Variants in CLPP observed in about 807,000 individuals in gnomAD.
CLPP encodes ATP-dependent Clp protease proteolytic subunit, mitochondrial.
In CLPP, 14 loss-of-function variants were observed where a neutral mutation model predicts 27.4. That is an observed-to-expected ratio of 0.51 (90% CI 0.34 to 0.80). The LOEUF (loss-of-function observed/expected upper bound fraction) is 0.80, where lower values mean the gene tolerates loss of function less well. CLPP is among the 30% of genes least tolerant of loss of function. The pLI, the probability that CLPP is intolerant of heterozygous loss-of-function variation, is 0.02. For missense variants in CLPP, 361 were observed against 403.6 expected, an observed-to-expected ratio of 0.89 and a Z score of 0.90; for synonymous variants, 193 against 166.6, an observed-to-expected ratio of 1.16 and a Z score of -1.22.
At chr19:6,361,841 C>G (rs77532225) in intron 1 of CLPP, 28 bp from the exon 2 acceptor site, 2 of 1,569,294 alleles carry the variant, frequency 1.3e-6, no homozygotes, top group Non-Finnish European at 1.7e-6. Context: ...GCTGCCCCGG[C>G]CCCTCACCTC....
intron 5 of CLPP, among the ~76,000 whole-genome samples, chr19:6,367,546 G>T (rs1348199351): frequency 2.6e-5 from 4 of 151,926 alleles, no homozygotes; most frequent in Non-Finnish European, 5.9e-5. Flanking sequence ...TATGGGGAGG[G>T]GGTGGCAAGG....
At position 6,362,494 on chromosome 19, in the gene CLPP, C is replaced by G; in HGVS notation, c.319C>G (p.Gln107Glu). The change falls in exon 3 of 6, where the codon CAA becomes GAA. Residue 107 changes from glutamine to glutamate, a missense_variant. This residue lies in a region of CLPP where 213 missense variants were observed against 280.9 expected (regional missense o/e 0.76). Transcript: ENST00000245816. ...TGTTATCGCACAGCTCCTCTTCCTGCAATCCGAGAGCAACAAGAAGCCCAT... is the reference window on the plus strand; with the variant it reads ...TGTTATCGCACAGCTCCTCTTCCTGGAATCCGAGAGCAACAAGAAGCCCAT... Reference protein sequence around the residue: ...SLVIAQLLFLQSESNKKPIHM... With the variant: ...SLVIAQLLFLESESNKKPIHM... 1.2e-6 allele frequency: 2 copies of G among 1,614,074 alleles called. No individual in the cohort carries two copies. Among genetic ancestry groups the G allele is most frequent in the Non-Finnish European group, 1.7e-6 (2 of 1,179,962 alleles).
chr19:6,362,302 C>A (rs763795371), intron 2 of CLPP, 144 bp from the exon 3 acceptor site: 1 of 648,352 alleles, frequency 1.5e-6, no homozygotes, highest in Non-Finnish European at 2.8e-6. Flanking sequence ...CTCTCCCCAT[C>A]CCCTTCTGGG....
intron 3 of CLPP, among the ~76,000 whole-genome samples, chr19:6,364,108 G>A (rs1170350425): frequency 6.9e-6 from 1 of 145,116 alleles, no homozygotes; most frequent in Non-Finnish European, 1.5e-5. Flanking sequence ...TCGGCTCACT[G>A]CAACCTCCGC....
chr19:6,368,612 G>A lies in CLPP; in HGVS notation c.736G>A (p.Val246Ile), dbSNP rs1273503146. Residue 246 changes from valine to isoleucine, a missense_variant, in exon 6 of 6, where the codon GTC (valine) becomes ATC (isoleucine). This residue lies in a region of CLPP where 213 missense variants were observed against 280.9 expected (regional missense o/e 0.76). Transcript: ENST00000245816. ...QEFGILDKVL[V>I]HPPQDGEDEP... ...GTTTGGCATCTTAGACAAGGTTCTG[G>A]TCCACCCTCCCCAGGACGGTGAGGA... 1 of 1,613,364 alleles carries A rather than the reference G, an allele frequency of 6.2e-7. No homozygotes were observed. The highest frequency in any genetic ancestry group is 8.5e-7 in the Non-Finnish European group (1 of 1,179,806).
chr19:6,364,140 G>C (rs965004260), intron 3 of CLPP, among the ~76,000 whole-genome samples: 11 of 148,156 alleles, frequency 7.4e-5, no homozygotes, highest in African/African-American at 2.0e-4. Context: ...ACGCCATTCT[G>C]CTGCCTCAGC....
chr19:6,367,324 G>A (rs1599197019), intron 5 of CLPP, among the ~76,000 whole-genome samples: 1 of 145,702 alleles, frequency 6.9e-6, no homozygotes, highest in African/African-American at 2.6e-5. Flanking sequence ...GTAGTGAGTC[G>A]AGATTGCACC....
Position 6,361,875 on chromosome 19 carries a change from G to A in CLPP, c.205G>A (p.Gly69Ser). 1 of 1,597,926 alleles carries A rather than the reference G, an allele frequency of 6.3e-7. No individual in the cohort carries two copies. Among genetic ancestry groups the A allele is most frequent in the Non-Finnish European group, 8.5e-7 (1 of 1,179,252 alleles). ...TCCATCTTTCTACCCCCAGGGTCGC[G>A]GCGAGCGCGCCTATGACATCTACTC... is the stretch of plus-strand genomic sequence containing the variant. Reference protein sequence around the residue: ...IPIVVEQTGRGERAYDIYSRL... With the variant: ...IPIVVEQTGRSERAYDIYSRL... The change falls in exon 2 of 6, where the codon GGC becomes AGC. Residue 69 changes from glycine (G) to serine (S), a missense_variant. This residue lies in a region of CLPP where 148 missense variants were observed against 122.6 expected (regional missense o/e 1.21). Coordinates refer to ENST00000245816, the MANE Select transcript of CLPP (RefSeq NM_006012.4).
rs1010046491 is a variant in CLPP, at chr19:6,369,018, A to G, written c.*308A>G. 3 of 354,010 alleles carry G rather than the reference A, an allele frequency of 8.5e-6. No individual in the cohort carries two copies. The highest frequency in any genetic ancestry group is 5.9e-5 in the East Asian group (1 of 17,060). The allele number at this position is 354,010 out of a possible 1,614,324, so 21.9% of individuals were successfully genotyped here. A position where few individuals can be genotyped will look rare whatever the true frequency, so the allele number is the denominator to read the frequency against. On this transcript the variant is annotated 3_prime_UTR_variant, in exon 6 of 6. Coordinates refer to ENST00000245816, the MANE Select transcript of CLPP (RefSeq NM_006012.4). ...AAGAGGCAAGCCATGTCTTCCTTCA[A>G]CAGATTCTCCTGATCATATCCTATA... is the stretch of plus-strand genomic sequence containing the variant.
chr19:6,361,968 C>T lies in CLPP; in HGVS notation c.270+28C>T, dbSNP rs778893687. 4.4e-6 allele frequency: 7 copies of T among 1,590,274 alleles called. No individual in the cohort carries two copies. In the East Asian group the frequency reaches 1.6e-4, roughly 36 times the overall value. ...GAGCGCCCCGCGCCGGGACCCTCCC[C>T]AGGACTCTCCCAAGCGCCTGCCGAC... On this transcript the variant is annotated intron_variant, in intron 2 of 5. Transcript: ENST00000245816.
intron 5 of CLPP, 120 bp downstream of exon 5, chr19:6,366,483 GGGGGA>G: frequency 8.9e-6 from 6 of 673,176 alleles, no homozygotes; most frequent in South Asian, 1.8e-5. Flanking sequence ...CTCTGGGATG[GGGGGA>G]CCATCCCAGA....
At chr19:6,364,221 G>T (rs1025478720) in intron 3 of CLPP, among the ~76,000 whole-genome samples, 3 of 151,908 alleles carry the variant, frequency 2.0e-5, no homozygotes, top group Middle Eastern at 3.2e-3. Context: ...TAGTAGAGAC[G>T]GGGTTTCACT....
At position 6,364,654 on chromosome 19, in the gene CLPP, C is replaced by T. The variant is rs371120549; in HGVS notation, c.555+15C>T. 4.3e-4 allele frequency: 695 copies of T among 1,601,626 alleles called. No individual in the cohort carries two copies. Among genetic ancestry groups the T allele is most frequent in the Non-Finnish European group, 5.5e-4 (647 of 1,174,896 alleles). ...GAGGCGCCCGGGTGAGTGCCAGACA[C>T]GCGAGCTGCTGTTGGGAATCAGGAC... On this transcript the variant is annotated intron_variant, in intron 4 of 5. Transcript: ENST00000245816.
At chr19:6,367,763 G>A (rs1273750656) in intron 5 of CLPP, among the ~76,000 whole-genome samples, 7 of 147,116 alleles carry the variant, frequency 4.8e-5, no homozygotes, top group African/African-American at 1.6e-4. Flanking sequence ...TTGTTGCCCA[G>A]GCTGGAGTGC....
At chr19:6,366,677 C>T (rs542470920) in intron 5 of CLPP, among the ~76,000 whole-genome samples, 7 of 152,128 alleles carry the variant, frequency 4.6e-5, no homozygotes, top group African/African-American at 1.7e-4. Flanking sequence ...CTGGCTCTGT[C>T]GCTCAGGCTG....
intron 4 of CLPP, chr19:6,364,878 G>C (rs568186252): frequency 1.9e-4 from 82 of 434,060 alleles, no homozygotes; most frequent in Admixed American, 8.3e-5. Context: ...ACAGGCGCCC[G>C]CCACCACGCT....
intron 2 of CLPP, 56 bp downstream of exon 2, chr19:6,361,996 T>A (rs957467019): frequency 6.7e-7 from 1 of 1,497,690 alleles, no homozygotes; most frequent in Admixed American, 1.8e-5. Flanking sequence ...CTGCCGACAC[T>A]CCCTGCGCCC....
At position 6,364,221 on chromosome 19, in the gene CLPP, G is replaced by A. The variant is rs1025478720; in HGVS notation, c.368-231G>A. 4.6e-5 allele frequency among the ~76,000 whole-genome samples: 7 copies of A among 151,908 alleles called. No homozygotes were observed. In the East Asian group the frequency reaches 5.9e-4, roughly 13 times the overall value. ...AATTTTTTGTATATTTAGTAGAGACGGGGTTTCACTGTGTTAGCCAGGATG... is the reference window on the plus strand; with the variant it reads ...AATTTTTTGTATATTTAGTAGAGACAGGGTTTCACTGTGTTAGCCAGGATG... On this transcript the variant is annotated intron_variant, in intron 3 of 5. Transcript: ENST00000245816.
chr19:6,363,860 A>C (rs1599194402), intron 3 of CLPP, among the ~76,000 whole-genome samples: 1 of 148,206 alleles, frequency 6.7e-6, no homozygotes, highest in East Asian at 2.1e-4. Context: ...GCGCTACTGC[A>C]CTCCAGCCTA....
Sources: allele counts gnomAD v4.1 joint callset (sites outside exome capture counted in the v4.1 genomes callset), GRCh38; gene constraint gnomAD v4.1.1; regional missense constraint gnomAD v4.1.1; transcripts MANE v1.5; gene names NCBI Gene and HGNC (gene_info 2026-07-23, HGNC 2026-07-21).